The following SLC25A48 variants were observed in gnomAD, a reference collection of about 807,000 sequenced individuals.
The protein encoded by SLC25A48 is solute carrier family 25 member 48, also known as CTC-321K16.1.
In SLC25A48, 29 loss-of-function variants were observed where a neutral mutation model predicts 32.2. The observed-to-expected ratio is 0.90, with a 90% CI of 0.67 to 1.23. SLC25A48 has a LOEUF of 1.23. SLC25A48 is among the 50% of genes most tolerant of loss of function. SLC25A48 has a pLI of 0.00. For synonymous variants in SLC25A48, 164 were observed against 172.3 expected, an observed-to-expected ratio of 0.95 and a Z score of 0.38; for missense variants, 399 against 422.7, an observed-to-expected ratio of 0.94 and a Z score of 0.49.
intron 3 of SLC25A48, among the ~76,000 whole-genome samples, chr5:135,719,505 G>T (rs909697705): frequency 2.0e-5 from 3 of 152,048 alleles, no homozygotes; most frequent in Admixed American, 1.3e-4. Flanking sequence ...GAGAGGTAGT[G>T]GGGGGACACC....
intron 3 of SLC25A48, among the ~76,000 whole-genome samples, chr5:135,681,332 A>C (rs1329004183): frequency 6.6e-6 from 1 of 152,148 alleles, no homozygotes; most frequent in Non-Finnish European, 1.5e-5. Context: ...TCTTTTCTTC[A>C]GCAGTGTCTA....
intron 3 of SLC25A48, among the ~76,000 whole-genome samples, chr5:135,638,615 A>T (rs1039745535): frequency 3.9e-5 from 6 of 152,242 alleles, no homozygotes; most frequent in Admixed American, 3.3e-4. Context: ...GGAAAGAGAA[A>T]TACCAAATCC....
At chr5:135,647,392 C>T (rs1752988586) in intron 3 of SLC25A48, among the ~76,000 whole-genome samples, 1 of 152,166 alleles carries the variant, frequency 6.6e-6, no homozygotes, top group Non-Finnish European at 1.5e-5. Flanking sequence ...GAGCTGTGTC[C>T]TCCCTTCCCT....
chr5:135,835,404 G>T (rs1032888818), intron 1 of SLC25A48, among the ~76,000 whole-genome samples: 32 of 152,126 alleles, frequency 2.1e-4, no homozygotes, highest in Admixed American at 7.2e-4. Flanking sequence ...CCGGCTGCAG[G>T]TGCCCATTGC....
chr5:135,725,859 A>G (rs1265455398), intron 3 of SLC25A48, among the ~76,000 whole-genome samples: 2 of 143,126 alleles, frequency 1.4e-5, no homozygotes, highest in African/African-American at 5.0e-5. Flanking sequence ...TGTTATGTTT[A>G]CCTTAGGAAC....
intron 3 of SLC25A48, among the ~76,000 whole-genome samples, chr5:135,734,624 G>A (rs1755307899): frequency 6.6e-6 from 1 of 151,822 alleles, no homozygotes; most frequent in South Asian, 2.1e-4. Flanking sequence ...TCAGGAGATC[G>A]AGACCACAGT....
intron 3 of SLC25A48, among the ~76,000 whole-genome samples, chr5:135,794,121 C>T (rs1223706478): frequency 6.6e-6 from 1 of 151,820 alleles, no homozygotes; most frequent in South Asian, 2.1e-4. Context: ...CTCAAGATAT[C>T]CCAGGGGATG....
chr5:135,732,944 C>A (rs1232046239), intron 3 of SLC25A48, among the ~76,000 whole-genome samples: 1 of 152,128 alleles, frequency 6.6e-6, no homozygotes, highest in Non-Finnish European at 1.5e-5. Flanking sequence ...GTGAATGACT[C>A]CAGCTTCCTT....
chr5:135,844,045 A>C (rs190409932), intron 2 of SLC25A48, among the ~76,000 whole-genome samples: 67 of 152,266 alleles, frequency 4.4e-4, no homozygotes, highest in African/African-American at 1.5e-3. Context: ...AGGGCTGTCC[A>C]GAGCTAAGCC....
At chr5:135,769,225 G>A (rs530883891) in intron 3 of SLC25A48, among the ~76,000 whole-genome samples, 14 of 119,794 alleles carry the variant, frequency 1.2e-4, no homozygotes, top group Non-Finnish European at 2.2e-4. Context: ...TATTGTAGGG[G>A]GTATGCAGCC....
chr5:135,838,160 C>T (rs1307617587), intron 1 of SLC25A48, among the ~76,000 whole-genome samples: 1 of 152,168 alleles, frequency 6.6e-6, no homozygotes, highest in Non-Finnish European at 1.5e-5. Context: ...AGCAAAGAGA[C>T]TGGTGACATT....
intron 3 of SLC25A48, among the ~76,000 whole-genome samples, chr5:135,786,338 TG>T (rs889905645): frequency 1.9e-4 from 29 of 152,134 alleles, no homozygotes; most frequent in African/African-American, 6.5e-4. Context: ...ACACCATGTG[TG>T]TACACCTTGT....
rs887419940 is a variant in SLC25A48 at position 135,665,855 on chromosome 5, G to T, written c.-521+30899G>T. ...CTTTGCTCCCAATATGATGAAATGT[G>T]GGCTCTTTCTCTCCTTCCAGGTCCC... On this transcript the variant is annotated intron_variant, in intron 3 of 10. Transcript: ENST00000646290. Among the ~76,000 whole-genome samples the T allele has an allele frequency of 2.6e-5, 4 of 151,882 alleles. No homozygotes were observed. The East Asian group carries it at 7.7e-4, about 29-fold the overall frequency.
At chr5:135,791,538 T>C (rs1333327186) in intron 3 of SLC25A48, among the ~76,000 whole-genome samples, 3 of 151,646 alleles carry the variant, frequency 2.0e-5, no homozygotes, top group Admixed American at 2.0e-4. Flanking sequence ...ATATCATTCA[T>C]AATATCCTAG....
chr5:135,786,809 T>A (rs573719277), intron 3 of SLC25A48, among the ~76,000 whole-genome samples: 2 of 152,204 alleles, frequency 1.3e-5, no homozygotes, highest in Admixed American at 1.3e-4. Flanking sequence ...TTATACCTAA[T>A]GTCACAGTGG....
chr5:135,779,521 C>CAGAGATTGAG (rs1425596801), intron 3 of SLC25A48, among the ~76,000 whole-genome samples: 22 of 120,456 alleles, frequency 1.8e-4, no homozygotes, highest in South Asian at 8.4e-4. Context: ...AGGGGGTGTA[C>CAGAGATTGAG]ATGCCCCCCT....
chr5:135,880,972 A>C (rs577914952), intron 7 of SLC25A48, among the ~76,000 whole-genome samples: 1 of 151,840 alleles, frequency 6.6e-6, no homozygotes, highest in South Asian at 2.1e-4. Context: ...TAAATGCCAG[A>C]GGACACCCTC....
intron 3 of SLC25A48, among the ~76,000 whole-genome samples, chr5:135,776,360 G>C (rs1001950288): frequency 1.3e-5 from 2 of 151,658 alleles, no homozygotes; most frequent in African/African-American, 4.8e-5. Context: ...AAGGGGAAGA[G>C]AGGATAATAT....
chr5:135,797,491 G>A (rs1274948301), intron 3 of SLC25A48, among the ~76,000 whole-genome samples: 2 of 151,828 alleles, frequency 1.3e-5, no homozygotes, highest in African/African-American at 2.4e-5. Context: ...CACAGGAAGT[G>A]TACACTCACC....
Sources: allele counts gnomAD v4.1 joint callset (sites outside exome capture counted in the v4.1 genomes callset), GRCh38; gene constraint gnomAD v4.1.1; transcripts MANE v1.5; gene names NCBI Gene and HGNC (gene_info 2026-07-23, HGNC 2026-07-21).